The following ZBTB38 variants were observed in gnomAD, a reference collection of about 807,000 sequenced individuals.
ZBTB38 encodes zinc finger and BTB domain-containing protein 38.
In ZBTB38, 20 loss-of-function variants were observed where a neutral mutation model predicts 76.8. That is an observed-to-expected ratio of 0.26 (90% confidence interval 0.18 to 0.38). ZBTB38 has a LOEUF of 0.38. ZBTB38 is among the 10% of genes least tolerant of loss of function. The pLI is 1.00. For synonymous variants in ZBTB38, 504 were observed against 544.2 expected (o/e 0.93, Z 1.03); for missense variants, 1,082 against 1,482.3 (o/e 0.73, Z 4.43).
In ZBTB38 at chr3:141,413,256, G is replaced by A. The variant is rs543025030; in HGVS notation, c.-1+9225G>A. 1.5e-3 allele frequency among the ~76,000 whole-genome samples: 228 copies of A among 152,270 alleles called. No individual in the cohort carries two copies. The highest frequency in any genetic ancestry group is 5.1e-3 in the African/African-American group (212 of 41,550). ...GGGAGGAGGTGGGGAAGACCCAGCC[G>A]GCCGAGAGCCTCAGCCACCTTCCTG... On this transcript the variant is annotated intron_variant, in intron 5 of 5. Transcript: ENST00000321464. The surrounding 1 kb of genome is among the most constrained non-coding windows in gnomAD (Gnocchi z 4.1).
At chr3:141,335,612 C>T (rs1385286584) in intron 1 of ZBTB38, among the ~76,000 whole-genome samples, 1 of 152,232 alleles carries the variant, frequency 6.6e-6, no homozygotes, top group African/African-American at 2.4e-5. Context: ...CAGGCACAGG[C>T]CTTCCGTGGC....
intron 5 of ZBTB38, chr3:141,438,184 A>G (rs1225142204): frequency 6.7e-6 from 1 of 148,900 alleles, no homozygotes; most frequent in Non-Finnish European, 1.5e-5. Flanking sequence ...TGCCATCACC[A>G]CCTCCAACAC....
chr3:141,429,048 G>T (rs988816896), intron 5 of ZBTB38, among the ~76,000 whole-genome samples: 1 of 152,142 alleles, frequency 6.6e-6, no homozygotes, highest in Non-Finnish European at 1.5e-5. Context: ...CACTGTTCCA[G>T]GTGCTTAAGA....
At chr3:141,340,949 G>GAAAAGAAAAGAAAAGAAAA (rs1943165885) in intron 1 of ZBTB38, among the ~76,000 whole-genome samples, 125 of 111,976 alleles carry the variant, frequency 1.1e-3, no homozygotes, top group African/African-American at 3.4e-3. Flanking sequence ...AAAGAAAGAA[G>GAAAAGAAAAGAAAAGAAAA]GAAAGAAAGA....
At chr3:141,432,737 A>C (rs2077893160) in intron 5 of ZBTB38, among the ~76,000 whole-genome samples, 1 of 152,222 alleles carries the variant, frequency 6.6e-6, no homozygotes, top group Admixed American at 6.5e-5. Flanking sequence ...CGCCTTAACT[A>C]ATTGAAGGGA....
At chr3:141,359,989 T>C (rs1016435285) in intron 1 of ZBTB38, among the ~76,000 whole-genome samples, 1 of 152,172 alleles carries the variant, frequency 6.6e-6, no homozygotes, top group African/African-American at 2.4e-5. Context: ...AAATTTGTCA[T>C]AAGATGAAGT....
chr3:141,364,676 TAAAAAAAAAAAAAAAAA>T (rs59398877), upstream of ZBTB38, among the ~76,000 whole-genome samples: 5 of 43,416 alleles, frequency 1.2e-4, no homozygotes, highest in Non-Finnish European at 1.4e-4. Flanking sequence ...AAACTACATC[TAAAAAAAAAAAAAAAAA>T]AAAAAAAAAA....
chr3:141,443,331 G>C lies in ZBTB38; in HGVS notation c.943G>C (p.Asp315His). Residue 315 changes from aspartate (D) to histidine (H), a missense_variant, in exon 6 of 6, where the codon GAT becomes CAT. Asp to His is a moderately conservative substitution (Grantham distance 81). This residue lies in a region of ZBTB38 where 324 missense variants were observed against 359.1 expected (regional missense o/e 0.90). Coordinates refer to ENST00000321464, the MANE Select transcript of ZBTB38 (RefSeq NM_001376113.1). This position sits in a 1 kb window ranked among gnomAD's most constrained non-coding sequence, Gnocchi z 5.6. ...TRSKSPNNEG[D>H]VHFSREDENQ... is the part of the protein sequence containing the mutation. ...TTCAAAATCTCCAAACAATGAAGGA[G>C]ATGTCCATTTTTCCAGGGAAGATGA... 2 of 1,614,206 alleles carry C rather than the reference G, an allele frequency of 1.2e-6. No homozygotes were observed. Among genetic ancestry groups the C allele is most frequent in the Non-Finnish European group, 1.7e-6 (2 of 1,180,040 alleles).
At chr3:141,438,102 A>G (rs527741408) in intron 5 of ZBTB38, 7 of 151,932 alleles carry the variant, frequency 4.6e-5, no homozygotes, top group Admixed American at 2.6e-4. Flanking sequence ...TTTCTATAGC[A>G]CTTAGCTGAT....
rs1458158255 is a variant in ZBTB38, at chr3:141,338,586, TA to T, written c.-739+14133del. On this transcript the variant is annotated intron_variant, in intron 1 of 7. Transcript: ENST00000509842. Reference sequence around the variant, plus strand: ...CATTTTCTCACTTAGAAGTGGGAGCTAAACATTGAGTACACATGGACACAAA... The same window carrying T: ...CATTTTCTCACTTAGAAGTGGGAGCTAACATTGAGTACACATGGACACAAA... 6.6e-5 allele frequency among the ~76,000 whole-genome samples: 10 copies of T among 152,154 alleles called. 1 individual carries two copies. The highest frequency in any genetic ancestry group is 5.9e-4 in the Admixed American group (9 of 15,272).
intron 1 of ZBTB38, among the ~76,000 whole-genome samples, chr3:141,362,267 C>A (rs937960697): frequency 6.6e-6 from 1 of 152,006 alleles, no homozygotes; most frequent in Non-Finnish European, 1.5e-5. Flanking sequence ...TTCTCTGAGG[C>A]GTGATTCAGG....
At chr3:141,435,181 A>G (rs1463100184) in intron 5 of ZBTB38, among the ~76,000 whole-genome samples, 1 of 152,196 alleles carries the variant, frequency 6.6e-6, no homozygotes, top group East Asian at 1.9e-4. Context: ...TAATAAAAGT[A>G]AAATAATTTA....
intron 4 of ZBTB38, among the ~76,000 whole-genome samples, chr3:141,398,153 T>A (rs1950781985): frequency 6.6e-6 from 1 of 152,258 alleles, no homozygotes; most frequent in African/African-American, 2.4e-5. Context: ...TCAGGCCAGA[T>A]GTGGCCCGAG....
chr3:141,432,079 T>G (rs546027924), intron 5 of ZBTB38: 2 of 985,450 alleles, frequency 2.0e-6, no homozygotes, highest in African/African-American at 3.5e-5. Flanking sequence ...GAAAATATAC[T>G]GTAAAGATGT....
intron 1 of ZBTB38, among the ~76,000 whole-genome samples, chr3:141,330,337 G>A (rs1279358726): frequency 6.6e-6 from 1 of 152,176 alleles, no homozygotes; most frequent in Admixed American, 6.5e-5. Flanking sequence ...CAGAGCCTTG[G>A]GAACAGATTC....
chr3:141,393,005 T>G (rs1180288904), intron 4 of ZBTB38: 3 of 152,248 alleles, frequency 2.0e-5, no homozygotes, highest in Non-Finnish European at 4.4e-5. Flanking sequence ...TTTTTCCCCC[T>G]TAATGTTCTC....
At chr3:141,440,719 T>G (rs2150905423) in intron 5 of ZBTB38, among the ~76,000 whole-genome samples, 1 of 152,110 alleles carries the variant, frequency 6.6e-6, no homozygotes, top group African/African-American at 2.4e-5. Flanking sequence ...GGTAGTGAAA[T>G]TAGTGAGTTG....
chr3:141,336,318 C>T (rs947696340), intron 1 of ZBTB38, among the ~76,000 whole-genome samples: 2 of 151,778 alleles, frequency 1.3e-5, no homozygotes, highest in African/African-American at 4.8e-5. Flanking sequence ...TCCATTAAAA[C>T]CCAGGCTTCC....
At chr3:141,395,367 G>C (rs1472247005) in intron 4 of ZBTB38, among the ~76,000 whole-genome samples, 1 of 152,174 alleles carries the variant, frequency 6.6e-6, no homozygotes, top group Non-Finnish European at 1.5e-5. Flanking sequence ...TCTCAAGTCG[G>C]ATAAACAACT....
Sources: gnomAD v4.1 joint callset for allele counts (sites outside exome capture counted in the v4.1 genomes callset) on GRCh38, gnomAD v4.1.1 for gene constraint, gnomAD v4.1.1 regional missense constraint, Gnocchi (gnomAD v3.1) non-coding constraint, MANE v1.5 for transcripts, NCBI Gene and HGNC (gene_info 2026-07-23, HGNC 2026-07-21) for gene names.